ZNF91: variants seen among roughly 807,000 people sequenced by gnomAD.
ZNF91 encodes zinc finger protein 91, also known as zinc finger protein 91 (HPF7, HTF10).
ZNF91 carries 7 observed loss-of-function variants against 12.6 expected under a neutral mutation model. The ratio of observed to expected loss-of-function variants is 0.55; its 90% confidence interval spans 0.31 to 1.04. The LOEUF (loss-of-function observed/expected upper bound fraction) is 1.04. ZNF91 is among the 50% of genes least tolerant of loss of function. The pLI is 0.05. For synonymous variants in ZNF91, 453 were observed against 462.6 expected, an observed-to-expected ratio of 0.98 and a Z score of 0.27; for missense variants, 1,217 against 1,385.4, an observed-to-expected ratio of 0.88 and a Z score of 1.93.
chr19:23,313,353 TCTC>T (rs1967501088), upstream of ZNF91, among the ~76,000 whole-genome samples: 1 of 152,140 alleles, frequency 6.6e-6, no homozygotes. Context: ...GGAACTCACT[TCTC>T]CTGCCTGGTT....
chr19:23,345,252 T>C (rs1407349603), intron 3 of ZNF91, among the ~76,000 whole-genome samples: 2 of 152,174 alleles, frequency 1.3e-5, no homozygotes, highest in Non-Finnish European at 1.5e-5. Flanking sequence ...ACCTCGGTTA[T>C]GGGAAATCTC....
chr19:23,347,683 T>C (rs1379108822), intron 3 of ZNF91, among the ~76,000 whole-genome samples: 1 of 152,146 alleles, frequency 6.6e-6, no homozygotes, highest in Non-Finnish European at 1.5e-5. Flanking sequence ...CTGCAACTTC[T>C]CCACCCTATC....
intron 1 of ZNF91, among the ~76,000 whole-genome samples, chr19:23,318,279 T>C (rs1967612183): frequency 6.6e-6 from 1 of 152,074 alleles, no homozygotes; most frequent in South Asian, 2.1e-4. Context: ...TCCTGCCTGG[T>C]CCCTGCCTAC....
chr19:23,323,644 TCTCCTCTC>T (rs1481786333), intron 1 of ZNF91, among the ~76,000 whole-genome samples: 3 of 129,220 alleles, frequency 2.3e-5, no homozygotes, highest in Admixed American at 1.4e-4. Flanking sequence ...CTCCTTCTCT[TCTCCTCTC>T]CTCCTCCTTT....
At chr19:23,352,614 A>G (rs984987076) in intron 3 of ZNF91, among the ~76,000 whole-genome samples, 1 of 152,190 alleles carries the variant, frequency 6.6e-6, no homozygotes, top group Non-Finnish European at 1.5e-5. Flanking sequence ...ACACATTTCA[A>G]TATTAACATT....
chr19:23,312,302 C>T (rs1189366747), upstream of ZNF91, among the ~76,000 whole-genome samples: 1 of 152,188 alleles, frequency 6.6e-6, no homozygotes, highest in African/African-American at 2.4e-5. Context: ...GTTCAGTTTA[C>T]AGGTGTCACA....
At chr19:23,331,344 G>C (rs1967925576) in intron 1 of ZNF91, among the ~76,000 whole-genome samples, 1 of 152,170 alleles carries the variant, frequency 6.6e-6, no homozygotes. Flanking sequence ...GAAGTAATTT[G>C]AGTTTACTTC....
At chr19:23,369,971 C>T (rs1397480879) in intron 3 of ZNF91, among the ~76,000 whole-genome samples, 2 of 147,936 alleles carry the variant, frequency 1.4e-5, no homozygotes, top group Non-Finnish European at 3.0e-5. Context: ...GCCAAATCCC[C>T]CTCTCCGAGA....
At chr19:23,336,622 T>C (rs1480158154), downstream of ZNF91, among the ~76,000 whole-genome samples, 1 of 152,220 alleles carries the variant, frequency 6.6e-6, no homozygotes, top group African/African-American at 2.4e-5. Context: ...TCATGCAAGC[T>C]TCCAGCTCGC....
intron 3 of ZNF91, among the ~76,000 whole-genome samples, chr19:23,341,539 CAAT>C (rs919660390): frequency 2.2e-3 from 330 of 151,616 alleles, no homozygotes; most frequent in African/African-American, 7.5e-3. Context: ...ATAATAATAA[CAAT>C]AATAATCCAA....
chr19:23,356,298 G>C (rs1968484441), downstream of ZNF91, among the ~76,000 whole-genome samples: 1 of 151,926 alleles, frequency 6.6e-6, no homozygotes, highest in Admixed American at 6.6e-5. Flanking sequence ...CGTGGGTAAA[G>C]AATCTGTGAA....
intron 3 of ZNF91, among the ~76,000 whole-genome samples, chr19:23,366,256 A>G (rs1260969878): frequency 2.7e-5 from 4 of 150,676 alleles, no homozygotes; most frequent in Non-Finnish European, 5.9e-5. Flanking sequence ...TGACCCCCAT[A>G]CCTCCCTCCC....
downstream of ZNF91, among the ~76,000 whole-genome samples, chr19:23,334,777 G>T (rs1302616563): frequency 6.6e-6 from 1 of 152,134 alleles, no homozygotes; most frequent in East Asian, 1.9e-4. Context: ...TATTATAATG[G>T]GGTTACCAAA....
At chr19:23,394,407 A>T (rs1970162201) in intron 1 of ZNF91, among the ~76,000 whole-genome samples, 1 of 152,170 alleles carries the variant, frequency 6.6e-6, no homozygotes, top group South Asian at 2.1e-4. Context: ...CTGATTACAT[A>T]AGAAGGATAT....
At chr19:23,383,379 T>C (rs553902407) in intron 1 of ZNF91, among the ~76,000 whole-genome samples, 1 of 152,210 alleles carries the variant, frequency 6.6e-6, no homozygotes, top group Non-Finnish European at 1.5e-5. Flanking sequence ...TCAGCCCCAA[T>C]ATACTGAATA....
Position 23,359,912 on chromosome 19 carries a change from T to C in ZNF91, c.3067A>G (p.Lys1023Glu). The C allele has an allele frequency of 2.5e-6, 4 of 1,585,026 alleles. No homozygotes were observed. Among genetic ancestry groups the C allele is most frequent in the Non-Finnish European group, 3.5e-6 (4 of 1,157,350 alleles). ...TRMHTGEKPY[K>E]CEECGKAFNR... Reference sequence around the variant, plus strand: ...AAAGCTTTGCCACATTCTTCACATTTGTATGGTTTCTCTCCAGTGTGCATC... The same window carrying C: ...AAAGCTTTGCCACATTCTTCACATTCGTATGGTTTCTCTCCAGTGTGCATC... Residue 1023 changes from lysine (K) to glutamate (E), a missense_variant, in exon 4 of 4, where the codon AAA (lysine) becomes GAA (glutamate). Physicochemically the swap from Lys to Glu is moderately conservative, Grantham distance 56. Transcript: ENST00000300619.
At chr19:23,395,111 A>T (rs1970188975) in intron 1 of ZNF91, among the ~76,000 whole-genome samples, 1 of 152,168 alleles carries the variant, frequency 6.6e-6, no homozygotes, top group African/African-American at 2.4e-5. Context: ...GGACACAGTC[A>T]CTGGGCAGGG....
intron 1 of ZNF91, among the ~76,000 whole-genome samples, chr19:23,391,465 CCTTA>C (rs576783145): frequency 2.5e-4 from 38 of 152,142 alleles, no homozygotes; most frequent in Non-Finnish European, 5.3e-4. Flanking sequence ...CCTCCTACCT[CCTTA>C]CTAATCTTGT....
chr19:23,313,765 G>A (rs745882299), upstream of ZNF91, among the ~76,000 whole-genome samples: 3 of 152,194 alleles, frequency 2.0e-5, no homozygotes, highest in Non-Finnish European at 2.9e-5. Flanking sequence ...ATACATGGAT[G>A]TAATTCACAG....
Sources: gnomAD v4.1 joint callset for allele counts (sites outside exome capture counted in the v4.1 genomes callset) on GRCh38, gnomAD v4.1.1 for gene constraint, MANE v1.5 for transcripts, NCBI Gene and HGNC (gene_info 2026-07-23, HGNC 2026-07-21) for gene names.